The following NAV2 variants were observed in gnomAD, a reference collection of about 807,000 sequenced individuals.
NAV2 encodes the protein helicase, APC down-regulated 1.
A neutral mutation model predicts 223.2 loss-of-function variants in NAV2; 54 were observed. The observed-to-expected ratio is 0.24, with a 90% CI of 0.19 to 0.30. The LOEUF (loss-of-function observed/expected upper bound fraction) is 0.30. Ranked by LOEUF, NAV2 falls within the 10% of genes least tolerant of loss-of-function variation. NAV2 has a pLI of 1.00. For missense variants in NAV2, 2,806 were observed against 3,147.5 expected (o/e 0.89, Z 2.60); for synonymous variants, 1,279 against 1,239.3 (o/e 1.03, Z -0.67).
intron 19 of NAV2, among the ~76,000 whole-genome samples, chr11:20,056,365 G>T (rs2058366196): frequency 6.6e-6 from 1 of 152,188 alleles, no homozygotes; most frequent in Non-Finnish European, 1.5e-5. Context: ...TGTAGCTCTG[G>T]GGGCCGGGCA....
chr11:19,894,063 CAG>C (rs1190082827), intron 6 of NAV2, among the ~76,000 whole-genome samples: 1 of 152,104 alleles, frequency 6.6e-6, no homozygotes, highest in Non-Finnish European at 1.5e-5. Context: ...ATATATGTAA[CAG>C]AAAGTTTTGT....
intron 11 of NAV2, chr11:20,027,264 T>C: frequency 2.0e-6 from 2 of 985,404 alleles, no homozygotes; most frequent in Non-Finnish European, 2.4e-6. Context: ...CAGTTAGGCT[T>C]GCTCACTCAT....
chr11:19,703,563 TG>T (rs1010691520), intron 1 of NAV2, among the ~76,000 whole-genome samples: 1 of 152,162 alleles, frequency 6.6e-6, no homozygotes, highest in Non-Finnish European at 1.5e-5. Flanking sequence ...GAGGCGGCAT[TG>T]GGGGGATTAC....
intron 1 of NAV2, among the ~76,000 whole-genome samples, chr11:19,804,842 ATTCTAACCCAG>A (rs2058461029): frequency 6.6e-6 from 1 of 152,226 alleles, no homozygotes. Context: ...GAAGAGTGGC[ATTCTAACCCAG>A]TGCTTTTGAG....
rs115967693 is a variant in NAV2 at position 20,109,106 on chromosome 11, G to A, written c.6960+1324G>A. Among the ~76,000 whole-genome samples the A allele has an allele frequency of 8.7e-4, 132 of 152,228 alleles. No individual in the cohort carries two copies. In the Middle Eastern group the frequency reaches 0.017, roughly 20 times the overall value. On this transcript the variant is annotated intron_variant, in intron 36 of 37. Coordinates refer to ENST00000349880, the MANE Select transcript of NAV2 (RefSeq NM_145117.5). ...AGTCAGTGTTTGTCATTTCTGGTAG[G>A]GCTGAACTGAGGAGTATTCAACTAT... is the stretch of plus-strand genomic sequence containing the variant.
At chr11:19,442,131 C>T (rs990694655) in intron 1 of NAV2, among the ~76,000 whole-genome samples, 4 of 152,160 alleles carry the variant, frequency 2.6e-5, no homozygotes, top group Admixed American at 6.5e-5. Flanking sequence ...ACTGCTGTGG[C>T]GGAAGTGGAG....
chr11:20,053,958 AT>A, intron 17 of NAV2, 121 bp from the exon 18 acceptor site: 1 of 1,087,750 alleles, frequency 9.2e-7, no homozygotes, highest in Non-Finnish European at 1.3e-6. Flanking sequence ...TAGTGATCTG[AT>A]TTTAAAAAAA....
chr11:19,476,134 C>T (rs537961354), intron 1 of NAV2, among the ~76,000 whole-genome samples: 1 of 152,250 alleles, frequency 6.6e-6, no homozygotes, highest in African/African-American at 2.4e-5. Flanking sequence ...GCCACCATGT[C>T]CAGCTAATTT....
intron 22 of NAV2, among the ~76,000 whole-genome samples, chr11:20,075,781 A>T (rs1443442297): frequency 1.2e-5 from 1 of 80,038 alleles, no homozygotes. Context: ...CTCCCCACCC[A>T]CCCCCCATGC....
intron 32 of NAV2, among the ~76,000 whole-genome samples, chr11:20,101,720 CT>C (rs1792696344): frequency 6.6e-6 from 1 of 152,170 alleles, no homozygotes; most frequent in Non-Finnish European, 1.5e-5. Context: ...AAGTCAAAGT[CT>C]TGGACTCTAG....
intron 1 of NAV2, among the ~76,000 whole-genome samples, chr11:19,652,546 C>A (rs1350982678): frequency 1.3e-5 from 2 of 152,180 alleles, no homozygotes; most frequent in Admixed American, 1.3e-4. Context: ...CTTTTCTTCC[C>A]CCCACTCCAC....
intron 12 of NAV2, 34 bp from the exon 13 acceptor site, chr11:20,043,947 G>T (rs2153583099): frequency 1.3e-6 from 2 of 1,595,658 alleles, no homozygotes; most frequent in Non-Finnish European, 8.6e-7. Flanking sequence ...CCTGGGACTG[G>T]GGAAGGACTA....
chr11:19,958,556 G>A (rs1320835796), intron 10 of NAV2, among the ~76,000 whole-genome samples: 1 of 152,204 alleles, frequency 6.6e-6, no homozygotes, highest in Non-Finnish European at 1.5e-5. Context: ...TCTTAGCTGT[G>A]TGTCCTTTAG....
At chr11:20,082,956 G>A (rs1428325777) in intron 25 of NAV2, 51 bp from the exon 26 acceptor site, 3 of 1,545,578 alleles carry the variant, frequency 1.9e-6, no homozygotes, top group East Asian at 2.3e-5. Context: ...TTTTGCCAAG[G>A]CCTAAGCATT....
chr11:19,846,160 T>C (rs945143403), intron 3 of NAV2, among the ~76,000 whole-genome samples: 2 of 152,132 alleles, frequency 1.3e-5, no homozygotes, highest in African/African-American at 4.8e-5. Context: ...GGATTCCAAG[T>C]GGAGACAGCC....
In NAV2 at chr11:19,765,381, C is replaced by CCTTCCTTCCTTG. The variant is rs373686918; in HGVS notation, c.267+51430_267+51431insGCTTCCTTCCTT. ...CTGTCCTCCTCATCTTCCCTTCTTTCCTTCCTTCCTTCCCTCCCTCCCTCT... is the reference window on the plus strand; with the variant it reads ...CTGTCCTCCTCATCTTCCCTTCTTTCCTTCCTTCCTTGCTTCCTTCCTTCCCTCCCTCCCTCT... On this transcript the variant is annotated intron_variant, in intron 1 of 37. Coordinates refer to ENST00000349880, the MANE Select transcript of NAV2 (RefSeq NM_145117.5). 5.4e-3 allele frequency among the ~76,000 whole-genome samples: 803 copies of CCTTCCTTCCTTG among 149,662 alleles called. 6 individuals are homozygous for CCTTCCTTCCTTG. The highest frequency in any genetic ancestry group is 0.019 in the African/African-American group (747 of 39,968).
At chr11:19,624,386 A>C (rs987715610) in intron 1 of NAV2, among the ~76,000 whole-genome samples, 2 of 152,150 alleles carry the variant, frequency 1.3e-5, no homozygotes, top group East Asian at 3.9e-4. Flanking sequence ...AGAGGCAGGC[A>C]GGCCTCCTCG....
At chr11:20,109,242 G>A (rs1255561223) in intron 36 of NAV2, among the ~76,000 whole-genome samples, 1 of 152,206 alleles carries the variant, frequency 6.6e-6, no homozygotes, top group Non-Finnish European at 1.5e-5. Context: ...CTAAACTGGA[G>A]CATACGCATT....
intron 4 of NAV2, among the ~76,000 whole-genome samples, chr11:19,873,554 G>A (rs560924155): frequency 6.6e-6 from 1 of 152,280 alleles, no homozygotes; most frequent in Admixed American, 6.5e-5. Flanking sequence ...ACCACTTGCT[G>A]ATTTGATTAG....
Sources: gnomAD v4.1 joint callset for allele counts (sites outside exome capture counted in the v4.1 genomes callset) on GRCh38, gnomAD v4.1.1 for gene constraint, MANE v1.5 for transcripts, NCBI Gene and HGNC (gene_info 2026-07-23, HGNC 2026-07-21) for gene names.